KIF26B: variants seen among roughly 807,000 people sequenced by gnomAD.
KIF26B encodes the protein kinesin-like protein KIF26B.
In KIF26B, 63 loss-of-function variants were observed where a neutral mutation model predicts 151.2. That is an observed-to-expected ratio of 0.42 (90% confidence interval 0.34 to 0.51). The LOEUF is 0.51. Among genes scored for constraint, KIF26B ranks in the 20% least tolerant of loss-of-function variants. KIF26B has a pLI of 0.07. For missense variants in KIF26B, 2,813 were observed against 2,913.6 expected (o/e 0.97, Z 0.79); for synonymous variants, 1,357 against 1,262.1 (o/e 1.08, Z -1.59).
At chr1:245,627,505 A>G (rs771866060) in intron 9 of KIF26B, among the ~76,000 whole-genome samples, 2 of 152,196 alleles carry the variant, frequency 1.3e-5, no homozygotes, top group African/African-American at 2.4e-5. Context: ...GGAAATTTAT[A>G]GCACTAAACG....
chr1:245,447,106 C>T (rs1659265244), intron 4 of KIF26B, among the ~76,000 whole-genome samples: 1 of 152,148 alleles, frequency 6.6e-6, no homozygotes, highest in Non-Finnish European at 1.5e-5. Context: ...TGCCTCCTCC[C>T]CTCACTGTGT....
chr1:245,610,823 C>A (rs1389001833), intron 8 of KIF26B, among the ~76,000 whole-genome samples: 1 of 152,204 alleles, frequency 6.6e-6, no homozygotes. Context: ...AAGAATCTCT[C>A]TTTGAAGTCT....
intron 8 of KIF26B, among the ~76,000 whole-genome samples, chr1:245,611,191 A>T (rs2043516543): frequency 6.6e-6 from 1 of 152,256 alleles, no homozygotes; most frequent in African/African-American, 2.4e-5. Flanking sequence ...ACATTCAAGT[A>T]TCGTGAGTGT....
intron 2 of KIF26B, among the ~76,000 whole-genome samples, chr1:245,294,718 A>C (rs1283770672): frequency 2.0e-5 from 3 of 152,074 alleles, no homozygotes; most frequent in Admixed American, 2.0e-4. Context: ...TCTGGAGTGC[A>C]GGGGCATGAT....
chr1:245,685,397 A>T lies in KIF26B; in HGVS notation c.2422-8A>T. 2 of 1,595,074 alleles carry T rather than the reference A, an allele frequency of 1.3e-6. No homozygotes were observed. The highest frequency in any genetic ancestry group is 1.7e-6 in the Non-Finnish European group (2 of 1,166,924). On this transcript the variant is annotated splice_region_variant and splice_polypyrimidine_tract_variant and intron_variant, in intron 11 of 14. Transcript: ENST00000407071. Reference sequence around the variant, plus strand: ...AGGCCACCACATTAACTGCCGTCTCACTCACAGTACACATCCAGCTCGTCC... The same window carrying T: ...AGGCCACCACATTAACTGCCGTCTCTCTCACAGTACACATCCAGCTCGTCC...
intron 3 of KIF26B, among the ~76,000 whole-genome samples, chr1:245,396,601 A>G (rs1673849318): frequency 6.6e-6 from 1 of 151,856 alleles, no homozygotes; most frequent in Non-Finnish European, 1.5e-5. Flanking sequence ...GCGCCACTGC[A>G]TTCCTGGGCA....
chr1:245,582,825 G>A (rs1324873839), intron 5 of KIF26B, among the ~76,000 whole-genome samples: 2 of 152,150 alleles, frequency 1.3e-5, no homozygotes, highest in African/African-American at 4.8e-5. Flanking sequence ...CAGCTGTCAG[G>A]ATTGCCACAG....
At chr1:245,464,477 G>A (rs1340140984) in intron 4 of KIF26B, among the ~76,000 whole-genome samples, 4 of 150,970 alleles carry the variant, frequency 2.6e-5, no homozygotes, top group African/African-American at 7.3e-5. Context: ...GCGTGTGGGG[G>A]TGTGTGCCCG....
At chr1:245,305,574 T>C (rs1671520107) in intron 2 of KIF26B, among the ~76,000 whole-genome samples, 1 of 152,012 alleles carries the variant, frequency 6.6e-6, no homozygotes, top group Non-Finnish European at 1.5e-5. Context: ...ATGGCTAGAA[T>C]AAAAAAGATA....
At position 245,479,901 on chromosome 1, in the gene KIF26B, A is replaced by G. The variant is rs774937106; in HGVS notation, c.1166+60156A>G. Among the ~76,000 whole-genome samples the G allele has an allele frequency of 4.0e-4, 61 of 151,796 alleles. 1 individual carries two copies. The highest frequency in any genetic ancestry group is 8.1e-4 in the Non-Finnish European group (55 of 67,816). On this transcript the variant is annotated intron_variant, in intron 4 of 14. Transcript: ENST00000407071. ...CTTCTTTTCTGTTGCTCTATATAGA[A>G]CTAGGATTCGTGGATAAGGATTGCA...
intron 3 of KIF26B, 73 bp from the exon 4 acceptor site, chr1:245,419,506 G>A (rs1658419866): frequency 2.8e-6 from 4 of 1,428,974 alleles, no homozygotes; most frequent in Non-Finnish European, 3.8e-6. Flanking sequence ...CCCCCAAATA[G>A]AGAGATGCTG....
At chr1:245,523,465 A>G (rs1469749871) in intron 4 of KIF26B, among the ~76,000 whole-genome samples, 1 of 152,166 alleles carries the variant, frequency 6.6e-6, no homozygotes, top group Non-Finnish European at 1.5e-5. Context: ...TTGGGTCGTT[A>G]TAACAAAAAT....
chr1:245,506,313 T>C (rs557942810), intron 4 of KIF26B, among the ~76,000 whole-genome samples: 2 of 152,300 alleles, frequency 1.3e-5, no homozygotes, highest in Admixed American at 1.3e-4. Context: ...AACTGAAAAC[T>C]TTTTATTTTA....
At chr1:245,505,579 TTCACC>T (rs1660715782) in intron 4 of KIF26B, among the ~76,000 whole-genome samples, 1 of 152,032 alleles carries the variant, frequency 6.6e-6, no homozygotes, top group Non-Finnish European at 1.5e-5. Context: ...GAGACGGGGT[TTCACC>T]GTGTTGGCCA....
chr1:245,695,466 G>C (rs1195688841), intron 12 of KIF26B, among the ~76,000 whole-genome samples: 11 of 152,172 alleles, frequency 7.2e-5, no homozygotes, highest in Admixed American at 6.5e-4. Context: ...CAGGAACTGA[G>C]TATCAATCCA....
intron 5 of KIF26B, among the ~76,000 whole-genome samples, chr1:245,574,176 G>A (rs1012604305): frequency 5.3e-5 from 8 of 152,228 alleles, no homozygotes; most frequent in South Asian, 2.1e-4. Flanking sequence ...ATGGAGTCTC[G>A]CTCTGTTGTC....
chr1:245,344,284 C>A (rs149682820), intron 2 of KIF26B, among the ~76,000 whole-genome samples: 2 of 151,474 alleles, frequency 1.3e-5, no homozygotes, highest in African/African-American at 4.9e-5. Context: ...TAATTTCATT[C>A]ATTCATTAGC....
chr1:245,296,062 G>A (rs931118988), intron 2 of KIF26B, among the ~76,000 whole-genome samples: 12 of 152,252 alleles, frequency 7.9e-5, no homozygotes, highest in African/African-American at 2.9e-4. Context: ...TCAGAGTCTG[G>A]TTGTTTGCCA....
At chr1:245,592,329 T>C (rs1249630517) in intron 5 of KIF26B, among the ~76,000 whole-genome samples, 5 of 152,218 alleles carry the variant, frequency 3.3e-5, no homozygotes, top group Non-Finnish European at 7.3e-5. Context: ...GCTCTGGCTA[T>C]GACCCAAGAT....
Sources: allele counts gnomAD v4.1 joint callset (sites outside exome capture counted in the v4.1 genomes callset), GRCh38; gene constraint gnomAD v4.1.1; transcripts MANE v1.5; gene names NCBI Gene and HGNC (gene_info 2026-07-23, HGNC 2026-07-21).